The following EPHA5 variants were observed in gnomAD, a reference collection of about 807,000 sequenced individuals.
EPHA5 encodes EPH receptor A5, also known as ephrin type-A receptor 5.
EPHA5 carries 60 observed loss-of-function variants against 105.0 expected under a neutral mutation model. That is an observed-to-expected ratio of 0.57 (90% confidence interval 0.46 to 0.71). The LOEUF (loss-of-function observed/expected upper bound fraction) is 0.71, where lower values mean the gene tolerates loss of function less well. Among genes scored for constraint, EPHA5 ranks in the 30% least tolerant of loss-of-function variants. The pLI, the probability that EPHA5 is intolerant of heterozygous loss-of-function variation, is 0.00. For synonymous variants in EPHA5, 513 were observed against 449.1 expected (o/e 1.14, Z -1.80); for missense variants, 1,218 against 1,274.7 (o/e 0.96, Z 0.68).
chr4:65,653,501 A>AG (rs1748788886), intron 1 of EPHA5, among the ~76,000 whole-genome samples: 1 of 152,158 alleles, frequency 6.6e-6, no homozygotes, highest in African/African-American at 2.4e-5. Flanking sequence ...CAAACATTTT[A>AG]GTACTCAGAA....
At chr4:65,430,963 T>C (rs974320427) in intron 5 of EPHA5, among the ~76,000 whole-genome samples, 1 of 152,126 alleles carries the variant, frequency 6.6e-6, no homozygotes, top group African/African-American at 2.4e-5. Context: ...TTCTGTGACG[T>C]GTAATTGTAA....
At chr4:65,414,201 T>C (rs1723175204) in intron 7 of EPHA5, 83 bp downstream of exon 7, 1 of 1,193,856 alleles carries the variant, frequency 8.4e-7, no homozygotes, top group Admixed American at 1.8e-5. Flanking sequence ...ACTGACAGAG[T>C]GCCCAGGGAG....
At chr4:65,410,701 A>G (rs1287008903) in intron 7 of EPHA5, among the ~76,000 whole-genome samples, 1 of 152,210 alleles carries the variant, frequency 6.6e-6, no homozygotes, top group Non-Finnish European at 1.5e-5. Context: ...AAACTAGGTA[A>G]AGTGTATAAG....
chr4:65,371,142 G>C (rs1308557252), intron 8 of EPHA5, among the ~76,000 whole-genome samples: 1 of 151,676 alleles, frequency 6.6e-6, no homozygotes, highest in African/African-American at 2.4e-5. Flanking sequence ...TTCATATCAC[G>C]ATTTTAATGA....
chr4:65,343,731 T>A (rs1721952008), intron 14 of EPHA5, among the ~76,000 whole-genome samples: 1 of 152,202 alleles, frequency 6.6e-6, no homozygotes, highest in Admixed American at 6.5e-5. Flanking sequence ...ATTGAGAAAG[T>A]AACAATGCAT....
Position 65,643,696 on chromosome 4 carries a change from T to A in EPHA5, c.182-269A>T, listed in dbSNP as rs549830596. Among the ~76,000 whole-genome samples, 7 of 148,038 alleles carry A rather than the reference T, an allele frequency of 4.7e-5. No individual in the cohort carries two copies. In the South Asian group the frequency reaches 8.6e-4, roughly 18 times the overall value. ...TTTTCTTGCAAAACAATAATAAATT[T>A]AAAAAAAAAGCTAATAAGGAAAAAA... On this transcript the variant is annotated intron_variant, in intron 1 of 16. Transcript: ENST00000613740.
At chr4:65,392,978 T>C (rs908830278) in intron 8 of EPHA5, among the ~76,000 whole-genome samples, 2 of 152,168 alleles carry the variant, frequency 1.3e-5, no homozygotes, top group African/African-American at 4.8e-5. Context: ...GCTGAAAGTG[T>C]TAAATTCTAT....
chr4:65,574,149 G>T, intron 3 of EPHA5: 1 of 1,607,990 alleles, frequency 6.2e-7, no homozygotes, highest in South Asian at 1.1e-5. Context: ...ACACCAGGAA[G>T]GTGAGATCTT....
intron 8 of EPHA5, among the ~76,000 whole-genome samples, chr4:65,371,179 T>C (rs1718431026): frequency 6.6e-6 from 1 of 152,120 alleles, no homozygotes; most frequent in Non-Finnish European, 1.5e-5. Context: ...ACTAAAAACA[T>C]CTGTAGTGTC....
At chr4:65,510,766 G>T (rs980109486) in intron 3 of EPHA5, among the ~76,000 whole-genome samples, 1 of 151,672 alleles carries the variant, frequency 6.6e-6, no homozygotes, top group Middle Eastern at 3.4e-3. Flanking sequence ...CTGTAGAACT[G>T]AAAATAACTG....
intron 6 of EPHA5, among the ~76,000 whole-genome samples, chr4:65,419,938 A>AT (rs1281902596): frequency 6.6e-6 from 1 of 152,122 alleles, no homozygotes; most frequent in Non-Finnish European, 1.5e-5. Context: ...TGATGCATAC[A>AT]TTTTTTATTT....
chr4:65,453,863 A>T (rs973753299), intron 5 of EPHA5, among the ~76,000 whole-genome samples: 4 of 152,106 alleles, frequency 2.6e-5, no homozygotes, highest in African/African-American at 9.7e-5. Context: ...ATTTTCTTTC[A>T]TTCCTGCCCT....
intron 3 of EPHA5, among the ~76,000 whole-genome samples, chr4:65,594,020 A>T (rs937502059): frequency 1.3e-5 from 2 of 152,154 alleles, no homozygotes; most frequent in African/African-American, 4.8e-5. Flanking sequence ...CACTTTTCCC[A>T]TGAGAGCTGT....
At chr4:65,336,677 C>G (rs1721217765) in intron 14 of EPHA5, among the ~76,000 whole-genome samples, 1 of 152,054 alleles carries the variant, frequency 6.6e-6, no homozygotes, top group African/African-American at 2.4e-5. Flanking sequence ...TGTTTATTAT[C>G]ATCTGCTGAT....
intron 5 of EPHA5, among the ~76,000 whole-genome samples, chr4:65,476,123 A>AGTGTGTGTGT (rs1457344941): frequency 2.8e-4 from 36 of 130,136 alleles, no homozygotes; most frequent in African/African-American, 1.0e-3. Context: ...AGAGAGAGAG[A>AGTGTGTGTGT]GAGAGTGTGT....
At chr4:65,467,963 T>TA in intron 5 of EPHA5, among the ~76,000 whole-genome samples, 1 of 152,272 alleles carries the variant, frequency 6.6e-6, no homozygotes, top group East Asian at 1.9e-4. Flanking sequence ...CTCTAGAACC[T>TA]AGAAAGGATA....
chr4:65,566,175 T>C (rs188508729), intron 3 of EPHA5, among the ~76,000 whole-genome samples: 10 of 151,854 alleles, frequency 6.6e-5, no homozygotes, highest in African/African-American at 1.9e-4. Context: ...TGAAAAACAA[T>C]GGGGTCTCCT....
intron 8 of EPHA5, among the ~76,000 whole-genome samples, chr4:65,368,981 G>A (rs1577936684): frequency 6.6e-6 from 1 of 151,974 alleles, no homozygotes; most frequent in Admixed American, 6.6e-5. Context: ...TTTCCCTTTG[G>A]AGCACAGTAG....
chr4:65,404,309 A>G, intron 8 of EPHA5, 65 bp downstream of exon 8: 1 of 1,379,576 alleles, frequency 7.2e-7, no homozygotes, highest in Non-Finnish European at 1.0e-6. Flanking sequence ...CAACAGCCAA[A>G]TGGTCAGATC....
Sources: gnomAD v4.1 joint callset for allele counts (sites outside exome capture counted in the v4.1 genomes callset) on GRCh38, gnomAD v4.1.1 for gene constraint, MANE v1.5 for transcripts, NCBI Gene and HGNC (gene_info 2026-07-23, HGNC 2026-07-21) for gene names.